ADGRL2: variants seen among roughly 807,000 people sequenced by gnomAD.
ADGRL2 encodes the protein adhesion G protein-coupled receptor L2, also known as calcium-independent alpha-latrotoxin receptor 2.
A neutral mutation model predicts 157.4 loss-of-function variants in ADGRL2; 44 were observed. That is an observed-to-expected ratio of 0.28 (90% CI 0.22 to 0.36). The LOEUF is 0.36. Ranked by LOEUF, ADGRL2 falls within the 10% of genes least tolerant of loss-of-function variation. The pLI, the probability that ADGRL2 is intolerant of heterozygous loss-of-function variation, is 1.00. For missense variants in ADGRL2, 1,510 were observed against 1,768.9 expected (o/e 0.85, Z 2.63); for synonymous variants, 585 against 624.7 (o/e 0.94, Z 0.95).
chr1:81,530,029 G>A (rs548075295), intron 2 of ADGRL2, among the ~76,000 whole-genome samples: 1 of 152,284 alleles, frequency 6.6e-6, no homozygotes, highest in East Asian at 1.9e-4. Flanking sequence ...ATAAATCTGG[G>A]CTAGATGATG....
At chr1:81,574,003 C>T (rs902343566) in intron 2 of ADGRL2, among the ~76,000 whole-genome samples, 4 of 152,102 alleles carry the variant, frequency 2.6e-5, no homozygotes, top group African/African-American at 9.7e-5. Context: ...GGGGCGTCTG[C>T]TTCATAATTG....
chr1:81,440,072 A>G, intron 1 of ADGRL2, among the ~76,000 whole-genome samples: 1 of 152,208 alleles, frequency 6.6e-6, no homozygotes, highest in Non-Finnish European at 1.5e-5. Flanking sequence ...TAAAGCAAAG[A>G]CACCACTCAA....
At chr1:81,807,542 T>C (rs1291047855) in intron 1 of ADGRL2, among the ~76,000 whole-genome samples, 3 of 151,980 alleles carry the variant, frequency 2.0e-5, no homozygotes, top group African/African-American at 7.2e-5. Context: ...ATTATATTTT[T>C]TAATGCTTTA....
At chr1:81,459,703 T>C (rs375817485) in intron 2 of ADGRL2, among the ~76,000 whole-genome samples, 4 of 151,216 alleles carry the variant, frequency 2.6e-5, no homozygotes, top group East Asian at 1.9e-4. Flanking sequence ...TATATATATA[T>C]ACACACACAC....
chr1:81,493,087 G>A (rs1172348537), intron 2 of ADGRL2, among the ~76,000 whole-genome samples: 1 of 152,168 alleles, frequency 6.6e-6, no homozygotes, highest in African/African-American at 2.4e-5. Context: ...CCAAGTACCA[G>A]TGAAAAATAT....
intron 2 of ADGRL2, among the ~76,000 whole-genome samples, chr1:81,839,083 A>T (rs1325789568): frequency 1.3e-5 from 2 of 152,114 alleles, no homozygotes; most frequent in African/African-American, 4.8e-5. Flanking sequence ...CTATAGAGAA[A>T]GCCAATCAAC....
chr1:81,491,080 G>C (rs78053407), intron 2 of ADGRL2, among the ~76,000 whole-genome samples: 4,938 of 152,084 alleles, frequency 0.032, 127 homozygotes, highest in Middle Eastern at 0.078. Flanking sequence ...ATTAAATGTC[G>C]CCTTGGGGGA....
intron 2 of ADGRL2, among the ~76,000 whole-genome samples, chr1:81,500,526 CAAAGTG>C (rs1328613485): frequency 6.6e-6 from 1 of 152,092 alleles, no homozygotes; most frequent in Non-Finnish European, 1.5e-5. Context: ...TGAAGATATG[CAAAGTG>C]AAATAAGCCA....
chr1:81,725,299 G>C (rs2084483634), intron 1 of ADGRL2, among the ~76,000 whole-genome samples: 1 of 151,690 alleles, frequency 6.6e-6, no homozygotes, highest in East Asian at 1.9e-4. Context: ...CAGCACTTTG[G>C]GAGGCCGAAG....
chr1:81,964,634 A>C (rs1243634223), intron 11 of ADGRL2, among the ~76,000 whole-genome samples: 1 of 152,112 alleles, frequency 6.6e-6, no homozygotes, highest in Non-Finnish European at 1.5e-5. Flanking sequence ...GTTGCAGAAG[A>C]TTAAAAAAAT....
intron 2 of ADGRL2, among the ~76,000 whole-genome samples, chr1:81,508,174 T>C (rs1349149433): frequency 2.0e-5 from 3 of 152,212 alleles, no homozygotes; most frequent in Non-Finnish European, 4.4e-5. Flanking sequence ...ATGTAGCTTG[T>C]GTATGCATAT....
rs551885860 is a variant in ADGRL2, at chr1:81,987,162, A to G, written c.3637+133A>G. 5 of 1,336,072 alleles carry G rather than the reference A, an allele frequency of 3.7e-6. No homozygotes were observed. The East Asian group carries it at 1.2e-4, about 33-fold the overall frequency. 82.8% of individuals were successfully genotyped at this position (1,336,072 alleles called of 1,614,324 possible). A position where few individuals can be genotyped will look rare whatever the true frequency, so the allele number is the denominator to read the frequency against. On this transcript the variant is annotated intron_variant, in intron 22 of 23. Coordinates refer to ENST00000686636, the MANE Select transcript of ADGRL2 (RefSeq NM_001366006.2). ...CTTAATTTCTCAGTTAAAAAAAATT[A>G]CGGTATTGTCTATGCCAGGCTTCTA...
intron 1 of ADGRL2, among the ~76,000 whole-genome samples, chr1:81,335,597 G>A (rs991824734): frequency 2.0e-5 from 3 of 152,002 alleles, no homozygotes; most frequent in African/African-American, 7.3e-5. Flanking sequence ...AACAAATACA[G>A]GATTAAACAT....
At chr1:81,682,103 A>ATATGTGTGTGTG (rs141980830) in intron 3 of ADGRL2, among the ~76,000 whole-genome samples, 5 of 148,034 alleles carry the variant, frequency 3.4e-5, no homozygotes, top group Middle Eastern at 3.4e-3. Context: ...ATACATATAT[A>ATATGTGTGTGTG]TGTGTGTGTG....
chr1:81,493,325 G>A (rs186815679), intron 2 of ADGRL2, among the ~76,000 whole-genome samples: 31 of 152,288 alleles, frequency 2.0e-4, no homozygotes, highest in African/African-American at 7.5e-4. Flanking sequence ...CAAACTTGTA[G>A]GGAAAGCATA....
chr1:81,530,427 A>G (rs1305693237), intron 2 of ADGRL2, among the ~76,000 whole-genome samples: 1 of 64,062 alleles, frequency 1.6e-5, no homozygotes, highest in African/African-American at 9.3e-5. Flanking sequence ...GCTCACTGCA[A>G]CCTCCACCTC....
At chr1:81,888,479 A>G (rs188519962) in intron 2 of ADGRL2, among the ~76,000 whole-genome samples, 452 of 152,098 alleles carry the variant, frequency 3.0e-3, no homozygotes, top group African/African-American at 0.011. Flanking sequence ...TTGCTCTGTA[A>G]CCCAGGCTGG....
intron 2 of ADGRL2, among the ~76,000 whole-genome samples, chr1:81,569,519 G>C (rs2080638176): frequency 6.6e-6 from 1 of 152,166 alleles, no homozygotes; most frequent in Non-Finnish European, 1.5e-5. Context: ...CAAGATGTCA[G>C]CATGTAGGCC....
At chr1:81,485,540 G>A (rs2078481730) in intron 2 of ADGRL2, among the ~76,000 whole-genome samples, 1 of 152,048 alleles carries the variant, frequency 6.6e-6, no homozygotes, top group African/African-American at 2.4e-5. Context: ...TGGTATTTCT[G>A]TGCCTTGGTT....
Sources: allele counts gnomAD v4.1 joint callset (sites outside exome capture counted in the v4.1 genomes callset), GRCh38; gene constraint gnomAD v4.1.1; transcripts MANE v1.5; gene names NCBI Gene and HGNC (gene_info 2026-07-23, HGNC 2026-07-21).